The following NTM variants were observed in gnomAD, a reference collection of about 807,000 sequenced individuals.
NTM encodes IgLON family member 2.
NTM carries 13 observed loss-of-function variants against 42.1 expected under a neutral mutation model. The observed-to-expected ratio is 0.31, with a 90% CI of 0.20 to 0.49. The LOEUF (loss-of-function observed/expected upper bound fraction) is 0.49. Among genes scored for constraint, NTM ranks in the 20% least tolerant of loss-of-function variants. The pLI, the probability that NTM is intolerant of heterozygous loss-of-function variation, is 0.99. For synonymous variants in NTM, 187 were observed against 179.2 expected (o/e 1.04, Z -0.35); for missense variants, 373 against 452.8 (o/e 0.82, Z 1.60).
At chr11:131,605,764 A>T in intron 1 of NTM, 1 of 983,078 alleles carries the variant, frequency 1.0e-6, no homozygotes, top group Non-Finnish European at 1.2e-6. Flanking sequence ...GAAAAAAATA[A>T]ATAAAGGTGC....
intron 1 of NTM, among the ~76,000 whole-genome samples, chr11:131,878,494 C>A (rs59034092): frequency 0.34 from 48,981 of 143,248 alleles, 9,278 homozygotes; most frequent in East Asian, 0.51. Context: ...TGCTTGAAAC[C>A]AGGAGGCAGA....
chr11:131,976,122 T>TCCTG (rs1396239392), intron 2 of NTM, among the ~76,000 whole-genome samples: 15 of 137,402 alleles, frequency 1.1e-4, no homozygotes, highest in Non-Finnish European at 2.0e-4. Flanking sequence ...CCTCATTCCT[T>TCCTG]CCTTCCTTCC....
intron 7 of NTM, among the ~76,000 whole-genome samples, chr11:132,324,896 C>T (rs1389045062): frequency 6.6e-6 from 1 of 150,920 alleles, no homozygotes; most frequent in Non-Finnish European, 1.5e-5. Context: ...CTTTGACAAA[C>T]CTGAGAAAAA....
At chr11:131,572,715 A>T (rs1185934547) in intron 1 of NTM, among the ~76,000 whole-genome samples, 2 of 152,192 alleles carry the variant, frequency 1.3e-5, no homozygotes, top group African/African-American at 4.8e-5. Flanking sequence ...ACGTCACCCT[A>T]GAAAAGAGGC....
intron 2 of NTM, among the ~76,000 whole-genome samples, chr11:132,134,630 A>ATAG (rs2067428981): frequency 6.8e-6 from 1 of 147,802 alleles, no homozygotes; most frequent in Admixed American, 6.8e-5. Context: ...ACTTAGAATA[A>ATAG]TAGTCTCCAG....
At chr11:131,456,109 T>C (rs989374442) in intron 1 of NTM, among the ~76,000 whole-genome samples, 1 of 152,232 alleles carries the variant, frequency 6.6e-6, no homozygotes, top group African/African-American at 2.4e-5. Context: ...AAATAACTAC[T>C]AGCTTAGCGT....
At chr11:131,650,588 A>T (rs1272823573) in intron 1 of NTM, among the ~76,000 whole-genome samples, 1 of 152,208 alleles carries the variant, frequency 6.6e-6, no homozygotes, top group Admixed American at 6.5e-5. Context: ...ATAAAATGAG[A>T]TTATGTGCCT....
intron 2 of NTM, among the ~76,000 whole-genome samples, chr11:132,129,020 G>A (rs1234842399): frequency 6.6e-6 from 1 of 151,422 alleles, no homozygotes; most frequent in African/African-American, 2.4e-5. Flanking sequence ...TTTTCTTTGG[G>A]ATGGGTTGGT....
At chr11:131,753,371 C>A (rs1422447205) in intron 1 of NTM, among the ~76,000 whole-genome samples, 7 of 145,516 alleles carry the variant, frequency 4.8e-5, no homozygotes, top group Admixed American at 1.3e-4. Context: ...TACCATTTGA[C>A]CCAGCCATCC....
intron 2 of NTM, among the ~76,000 whole-genome samples, chr11:132,111,557 T>C (rs755886071): frequency 1.2e-3 from 180 of 152,280 alleles, no homozygotes; most frequent in Non-Finnish European, 1.9e-3. Context: ...GATGCTGCAG[T>C]CCTCTGCAGT....
intron 2 of NTM, among the ~76,000 whole-genome samples, chr11:131,937,867 A>C (rs1456176443): frequency 6.6e-6 from 1 of 152,304 alleles, no homozygotes. Context: ...AGGGCGGGTA[A>C]AAAATGAGAT....
chr11:132,109,668 C>T (rs961492081), intron 2 of NTM, among the ~76,000 whole-genome samples: 2 of 150,886 alleles, frequency 1.3e-5, no homozygotes, highest in African/African-American at 2.4e-5. Flanking sequence ...TCCCACTGGG[C>T]CTCTTGGCCA....
chr11:131,532,563 A>G (rs1034831595), intron 1 of NTM, among the ~76,000 whole-genome samples: 3 of 152,162 alleles, frequency 2.0e-5, no homozygotes, highest in Non-Finnish European at 4.4e-5. Context: ...CCTGCTTTCT[A>G]TTCCTTTAGG....
chr11:131,476,994 G>C (rs530750502), intron 1 of NTM, among the ~76,000 whole-genome samples: 1 of 152,014 alleles, frequency 6.6e-6, no homozygotes, highest in East Asian at 1.9e-4. Context: ...TGCATACCCC[G>C]CACCCCGTGT....
chr11:132,073,482 T>C (rs977052942), intron 2 of NTM, among the ~76,000 whole-genome samples: 3 of 152,146 alleles, frequency 2.0e-5, no homozygotes, highest in Non-Finnish European at 4.4e-5. Flanking sequence ...TGGCAAGCTA[T>C]GAGTATTGTT....
chr11:132,212,679 A>G (rs536067678), intron 4 of NTM, among the ~76,000 whole-genome samples: 6 of 152,288 alleles, frequency 3.9e-5, no homozygotes, highest in African/African-American at 1.4e-4. Context: ...AATTGCAAAA[A>G]TTTACTTTAT....
intron 2 of NTM, among the ~76,000 whole-genome samples, chr11:132,094,377 T>C (rs909668502): frequency 2.6e-5 from 4 of 152,160 alleles, no homozygotes; most frequent in Non-Finnish European, 5.9e-5. Flanking sequence ...AAACTATGTG[T>C]TCCTATGACA....
rs528433735 is a variant in NTM at position 131,884,123 on chromosome 11, A to C, written c.83-27441A>C. On this transcript the variant is annotated intron_variant, in intron 1 of 8. Transcript: ENST00000683400. ...CCATGTTATGGATAAAAACACTAAA[A>C]AGTTGGCTGGGCATGGTGACTCATG... 1.9e-3 allele frequency among the ~76,000 whole-genome samples: 284 copies of C among 152,298 alleles called. 1 individual carries two copies. The highest frequency in any genetic ancestry group is 3.2e-3 in the Non-Finnish European group (218 of 68,026).
intron 2 of NTM, chr11:132,141,207 G>C (rs1181578696): frequency 6.6e-6 from 1 of 150,536 alleles, no homozygotes. Flanking sequence ...CCAATTCCCA[G>C]GTTCTCTCTC....
Sources: gnomAD v4.1 joint callset for allele counts (sites outside exome capture counted in the v4.1 genomes callset) on GRCh38, gnomAD v4.1.1 for gene constraint, MANE v1.5 for transcripts, NCBI Gene and HGNC (gene_info 2026-07-23, HGNC 2026-07-21) for gene names.